DHCR24: variants seen among roughly 807,000 people sequenced by gnomAD.
DHCR24 encodes the protein delta(24)-sterol reductase.
Under a neutral mutation model 61.2 loss-of-function variants are expected in DHCR24, and 28 were observed. That is an observed-to-expected ratio of 0.46 (90% CI 0.34 to 0.63). The LOEUF (loss-of-function observed/expected upper bound fraction) is 0.63, where lower values mean the gene tolerates loss of function less well. Ranked by LOEUF, DHCR24 falls within the 20% of genes least tolerant of loss-of-function variation. DHCR24 has a pLI of 0.01. For missense variants in DHCR24, 538 were observed against 679.1 expected, an observed-to-expected ratio of 0.79 and a Z score of 2.31; for synonymous variants, 261 against 275.9, an observed-to-expected ratio of 0.95 and a Z score of 0.54.
In DHCR24 at chr1:54,852,037, A is replaced by G; in HGVS notation, c.*196T>C. 1.6e-6 allele frequency: 1 copy of G among 643,066 alleles called. No homozygotes were observed. Among genetic ancestry groups the G allele is most frequent in the Non-Finnish European group, 2.7e-6 (1 of 374,494 alleles). The allele number at this position is 643,066 out of a possible 1,614,324, so 39.8% of individuals were successfully genotyped here. ...GGGGAACTGGACTCAGGCTTGTCTG[A>G]CTCCAAATCCCACATTCTTTCCATT... is the stretch of plus-strand genomic sequence containing the variant. On this transcript the variant is annotated 3_prime_UTR_variant, in exon 9 of 9. Coordinates refer to ENST00000371269, the MANE Select transcript of DHCR24 (RefSeq NM_014762.4).
chr1:54,859,367 T>C (rs949822041), intron 6 of DHCR24, among the ~76,000 whole-genome samples: 1 of 152,238 alleles, frequency 6.6e-6, no homozygotes, highest in African/African-American at 2.4e-5. Context: ...ATATAATAAA[T>C]GTTTGCTGCT....
At chr1:54,856,811 T>A (rs1646909859) in intron 6 of DHCR24, among the ~76,000 whole-genome samples, 1 of 152,210 alleles carries the variant, frequency 6.6e-6, no homozygotes. Context: ...GTGTGTGCAA[T>A]TTTCATGGAT....
chr1:54,854,821 A>G lies in DHCR24; in HGVS notation c.1021-587T>C, dbSNP rs368597283. Among the ~76,000 whole-genome samples the G allele has an allele frequency of 1.2e-3, 186 of 152,274 alleles. 1 individual carries two copies. The South Asian group carries it at 0.028, about 23-fold the overall frequency. ...CCTGACCACCCGCCTGGCTCCCCCAATTCGGTCTCCCTGGAAACCCTCCTG... is the reference window on the plus strand; with the variant it reads ...CCTGACCACCCGCCTGGCTCCCCCAGTTCGGTCTCCCTGGAAACCCTCCTG... On this transcript the variant is annotated intron_variant, in intron 6 of 8. Coordinates refer to ENST00000371269, the MANE Select transcript of DHCR24 (RefSeq NM_014762.4).
chr1:54,865,081 C>T (rs1646960631), intron 6 of DHCR24, among the ~76,000 whole-genome samples: 1 of 152,192 alleles, frequency 6.6e-6, no homozygotes. Context: ...GCTTACTCCC[C>T]AGCACCAAGC....
chr1:54,887,113 G>A lies in DHCR24; in HGVS notation c.7C>T (p.Pro3Ser). ...GCGCACACGGCCAGCGACACGGCGG[G>A]CTCCATGGTGCGGCGCCGCGCGGTA... is the stretch of plus-strand genomic sequence containing the variant. The part of the protein sequence containing the change: ME[P>S]AVSLAVCALL... The change falls in exon 1 of 9, where the codon CCC (proline) becomes TCC (serine). Residue 3 changes from proline to serine, a missense_variant. Coordinates refer to ENST00000371269, the MANE Select transcript of DHCR24 (RefSeq NM_014762.4). The A allele has an allele frequency of 3.8e-6, 6 of 1,579,662 alleles. No homozygotes were observed. The highest frequency in any genetic ancestry group is 5.2e-6 in the Non-Finnish European group (6 of 1,163,688).
chr1:54,882,390 G>C lies in DHCR24; in HGVS notation c.387+1228C>G, dbSNP rs79552337. Among the ~76,000 whole-genome samples the C allele has an allele frequency of 5.7e-3, 861 of 152,316 alleles. 5 individuals carry two copies. The highest frequency in any genetic ancestry group is 0.019 in the African/African-American group (792 of 41,564). On this transcript the variant is annotated intron_variant, in intron 2 of 8. Coordinates refer to ENST00000371269, the MANE Select transcript of DHCR24 (RefSeq NM_014762.4). ...AACAAGAACAACACTCACGCTGCTG[G>C]TGGAAATGTAAAATGCTACAATCAC...
At chr1:54,880,127 G>T (rs1040062964) in intron 2 of DHCR24, among the ~76,000 whole-genome samples, 1 of 152,078 alleles carries the variant, frequency 6.6e-6, no homozygotes, top group Non-Finnish European at 1.5e-5. Flanking sequence ...GAAAAAAAGA[G>T]AACAGAAACA....
chr1:54,878,799 C>T (rs1386242836), intron 2 of DHCR24, among the ~76,000 whole-genome samples: 1 of 151,958 alleles, frequency 6.6e-6, no homozygotes, highest in African/African-American at 2.4e-5. Flanking sequence ...ATAAAAATAC[C>T]CAGCTCCCCA....
chr1:54,865,116 T>C (rs1033061600), intron 6 of DHCR24, among the ~76,000 whole-genome samples, 187 bp downstream of exon 6: 1 of 152,210 alleles, frequency 6.6e-6, no homozygotes, highest in African/African-American at 2.4e-5. Context: ...AGCCTGCTGC[T>C]TGAACTGAAG....
At chr1:54,852,817 T>C (rs543822966) in intron 8 of DHCR24, among the ~76,000 whole-genome samples, 1 of 129,878 alleles carries the variant, frequency 7.7e-6, no homozygotes, top group East Asian at 2.0e-4. Flanking sequence ...ATCGTGGCTA[T>C]AACCATCAGC....
intron 2 of DHCR24, among the ~76,000 whole-genome samples, chr1:54,880,516 G>A (rs1647058329): frequency 6.6e-6 from 1 of 152,180 alleles, no homozygotes; most frequent in Non-Finnish European, 1.5e-5. Flanking sequence ...TGTAATCCCA[G>A]CACTTTGGGA....
chr1:54,875,369 G>A (rs1647021355), intron 3 of DHCR24, among the ~76,000 whole-genome samples, 158 bp from the exon 4 acceptor site: 1 of 152,134 alleles, frequency 6.6e-6, no homozygotes, highest in South Asian at 2.1e-4. Context: ...TCAATCTAGA[G>A]AGCAGGAGAG....
At chr1:54,860,607 G>A (rs1459840250) in intron 6 of DHCR24, among the ~76,000 whole-genome samples, 1 of 152,186 alleles carries the variant, frequency 6.6e-6, no homozygotes, top group Non-Finnish European at 1.5e-5. Flanking sequence ...CCCCTCACTA[G>A]AGTGTGGATC....
At chr1:54,866,766 AAGGCCACCCTGCTGGTG>A (rs1646970475) in intron 5 of DHCR24, among the ~76,000 whole-genome samples, 3 of 152,110 alleles carry the variant, frequency 2.0e-5, no homozygotes, top group Admixed American at 2.0e-4. Flanking sequence ...CCCTGCTGGT[AAGGCCACCCTGCTGGTG>A]AGGCCACTCT....
chr1:54,867,685 C>T (rs959363777), intron 5 of DHCR24, among the ~76,000 whole-genome samples: 4 of 152,160 alleles, frequency 2.6e-5, no homozygotes, highest in Admixed American at 6.5e-5. Context: ...TTTCCTACCC[C>T]TGAGAGCCTC....
intron 5 of DHCR24, among the ~76,000 whole-genome samples, chr1:54,866,450 G>A (rs1646968399): frequency 6.6e-6 from 1 of 151,590 alleles, no homozygotes; most frequent in South Asian, 2.1e-4. Context: ...CCTGGTTCAC[G>A]CCATTCTCCT....
At chr1:54,870,579 T>C (rs1335650521) in intron 5 of DHCR24, among the ~76,000 whole-genome samples, 1 of 152,208 alleles carries the variant, frequency 6.6e-6, no homozygotes, top group South Asian at 2.1e-4. Flanking sequence ...CAATACTTAA[T>C]ACAATGTAAA....
chr1:54,882,028 G>C (rs998467343), intron 2 of DHCR24, among the ~76,000 whole-genome samples: 1 of 151,954 alleles, frequency 6.6e-6, no homozygotes, highest in African/African-American at 2.4e-5. Context: ...ATAGGTACTA[G>C]GCTTAATACC....
intron 6 of DHCR24, among the ~76,000 whole-genome samples, chr1:54,859,923 G>C (rs1646926384): frequency 6.6e-6 from 1 of 152,172 alleles, no homozygotes. Flanking sequence ...CACTGCTCTT[G>C]GCAGGGATCA....
Sources: gnomAD v4.1 joint callset for allele counts (sites outside exome capture counted in the v4.1 genomes callset) on GRCh38, gnomAD v4.1.1 for gene constraint, MANE v1.5 for transcripts, NCBI Gene and HGNC (gene_info 2026-07-23, HGNC 2026-07-21) for gene names.